AIPL1: variants seen among roughly 807,000 people sequenced by gnomAD.
AIPL1 encodes AIP like 1 HSP90 co-chaperone, also known as aryl-hydrocarbon-interacting protein-like 1.
In AIPL1, 23 loss-of-function variants were observed where a neutral mutation model predicts 32.9. That is an observed-to-expected ratio of 0.70 (90% CI 0.50 to 0.99). The LOEUF (loss-of-function observed/expected upper bound fraction) is 0.99, where lower values mean the gene tolerates loss of function less well. AIPL1 is among the 50% of genes least tolerant of loss of function. The probability of loss-of-function intolerance (pLI) is 0.00; values close to 1 mark genes in which losing one functional copy is unlikely to be tolerated. For missense variants in AIPL1, 485 were observed against 506.0 expected (o/e 0.96, Z 0.40); for synonymous variants, 210 against 209.4 (o/e 1.00, Z -0.02).
In AIPL1 at chr17:6,428,299, C is replaced by A. The variant is rs1283180629; in HGVS notation, c.465+19G>T. 1.9e-6 allele frequency: 3 copies of A among 1,604,258 alleles called. No individual in the cohort carries two copies. In the East Asian group the frequency reaches 6.7e-5, roughly 36 times the overall value. On this transcript the variant is annotated intron_variant, in intron 3 of 5. Transcript: ENST00000381129. ...CCAGTGCTGGCACAGCCCTCCAGCC[C>A]TGCCAACCCCAGCCCCACCTGCAGC...
chr17:6,426,961 G>C lies in AIPL1; in HGVS notation c.562C>G (p.Leu188Val), dbSNP rs146153236. ...TCCTCGTAGCGGCCCAGCTTGAAGA[G>C]CCGATTTCCCTCTCCGTGGAGGACG... ...VPVLHGEGNR[L>V]FKLGRYEEAS... The change falls in exon 4 of 6, where the codon CTC becomes GTC. Residue 188 changes from leucine to valine, a missense_variant. Physicochemically the swap from Leu to Val is conservative, Grantham distance 32. Transcript: ENST00000381129. 6.2e-7 allele frequency: 1 copy of C among 1,614,210 alleles called. No individual in the cohort carries two copies. Among genetic ancestry groups the C allele is most frequent in the Admixed American group, 1.7e-5 (1 of 60,034 alleles).
At position 6,425,675 on chromosome 17, in the gene AIPL1, C is replaced by T. The variant is rs747545377; in HGVS notation, c.940G>A (p.Glu314Lys). 6.2e-7 allele frequency: 1 copy of T among 1,610,252 alleles called. No individual in the cohort carries two copies. Among genetic ancestry groups the T allele is most frequent in the Admixed American group, 1.7e-5 (1 of 60,024 alleles). ...ELRLLENRMA[E>K]KQEEERLRCR... ...CGCAGCCGCTCCTCCTCCTGCTTCT[C>T]CGCCATGCGGTTCTCCAGCAGCCTC... Residue 314 changes from glutamate to lysine, a missense_variant, in exon 6 of 6, where the codon GAG (glutamate) becomes AAG (lysine). Coordinates refer to ENST00000381129, the MANE Select transcript of AIPL1 (RefSeq NM_014336.5).
chr17:6,428,458 G>T lies in AIPL1; in HGVS notation c.325C>A (p.Gln109Lys). 6.2e-7 allele frequency: 1 copy of T among 1,613,990 alleles called. No homozygotes were observed. The highest frequency in any genetic ancestry group is 8.5e-7 in the Non-Finnish European group (1 of 1,180,036). Residue 109 changes from glutamine to lysine, a missense_variant, in exon 3 of 6, where the codon CAG (glutamine) becomes AAG (lysine). Coordinates refer to ENST00000381129, the MANE Select transcript of AIPL1 (RefSeq NM_014336.5). The part of the protein sequence containing the change: ...ILSRSLRQMA[Q>K]GKDPTEWHVH... Reference sequence around the variant, plus strand: ...TGCCACTCTGTGGGGTCCTTGCCCTGGGCCATCTGCCTCAGGCTCCGGGAT... The same window carrying T: ...TGCCACTCTGTGGGGTCCTTGCCCTTGGCCATCTGCCTCAGGCTCCGGGAT...
In AIPL1 at chr17:6,433,611, T is replaced by TCTCA. The variant is rs758622569; in HGVS notation, c.276+307_276+308insTGAG. 6.7e-3 allele frequency among the ~76,000 whole-genome samples: 712 copies of TCTCA among 106,298 alleles called. 12 individuals carry two copies. The highest frequency in any genetic ancestry group is 9.5e-3 in the Non-Finnish European group (500 of 52,548). The allele number at this position is 106,298 out of a possible 152,430, so 69.7% of individuals were successfully genotyped here. A position where few individuals can be genotyped will look rare whatever the true frequency, so the allele number is the denominator to read the frequency against. On this transcript the variant is annotated intron_variant, in intron 2 of 5. Transcript: ENST00000381129. ...ATCTCTCTCTCTCTCTCTCTCTCTC[T>TCTCA]CACACACACACACACACACACACAC...
chr17:6,427,200 C>T (rs900296160), intron 3 of AIPL1, 143 bp from the exon 4 acceptor site: 161 of 904,120 alleles, frequency 1.8e-4, no homozygotes, highest in Non-Finnish European at 2.5e-4. Flanking sequence ...AAAGAAGCAA[C>T]AACGCCGAAA....
At position 6,425,381 on chromosome 17, in the gene AIPL1, C is replaced by T. The variant is rs1911807492; in HGVS notation, c.*79G>A. The T allele has an allele frequency of 2.8e-6, 4 of 1,434,456 alleles. No individual in the cohort carries two copies. Among genetic ancestry groups the T allele is most frequent in the Non-Finnish European group, 3.7e-6 (4 of 1,089,946 alleles). 88.9% of individuals were successfully genotyped at this position (1,434,456 alleles called of 1,614,324 possible). ...ATTAATTTTAAATTTTAAAAAGTGA[C>T]ACCACGATCCTGGTCAATCGAACCA... On this transcript the variant is annotated 3_prime_UTR_variant, in exon 6 of 6. Coordinates refer to ENST00000381129, the MANE Select transcript of AIPL1 (RefSeq NM_014336.5).
rs1177957902 is a variant in AIPL1, at chr17:6,425,423, T to C, written c.*37A>G. The C allele has an allele frequency of 6.4e-7, 1 of 1,556,854 alleles. No individual in the cohort carries two copies. The highest frequency in any genetic ancestry group is 8.7e-7 in the Non-Finnish European group (1 of 1,153,060). ...ATCGAACCAGAAGTGACCAGGCCACTTGCTCCCTGCCTGGGTGGCTGTGGG... is the reference window on the plus strand; with the variant it reads ...ATCGAACCAGAAGTGACCAGGCCACCTGCTCCCTGCCTGGGTGGCTGTGGG... On this transcript the variant is annotated 3_prime_UTR_variant, in exon 6 of 6. Transcript: ENST00000381129.
At chr17:6,429,824 GTAGATAGATAGATAGATAGATAGA>G (rs772773845) in intron 2 of AIPL1, among the ~76,000 whole-genome samples, 13 of 67,530 alleles carry the variant, frequency 1.9e-4, no homozygotes, top group South Asian at 8.0e-4. Context: ...AGGTAGGTAG[GTAGATAGATAGATAGATAGATAGA>G]TAGATAGATA....
chr17:6,428,444 G>A lies in AIPL1; in HGVS notation c.339C>T (p.Pro113=), dbSNP rs1199416706. The part of the protein sequence containing the change: ...SLRQMAQGKD[P]TEWHVHTCGL... ...CGCACGTGTGCACGTGCCACTCTGTGGGGTCCTTGCCCTGGGCCATCTGCC... is the reference window on the plus strand; with the variant it reads ...CGCACGTGTGCACGTGCCACTCTGTAGGGTCCTTGCCCTGGGCCATCTGCC... The change falls in exon 3 of 6, where the codon CCC becomes CCT. Residue 113 remains proline (P), a synonymous_variant. Transcript: ENST00000381129. The A allele has an allele frequency of 6.2e-7, 1 of 1,613,982 alleles. No individual in the cohort carries two copies. The highest frequency in any genetic ancestry group is 8.5e-7 in the Non-Finnish European group (1 of 1,180,050).
At chr17:6,426,021 C>T in intron 5 of AIPL1, 191 bp from the exon 6 acceptor site, 1 of 1,042,718 alleles carries the variant, frequency 9.6e-7, no homozygotes, top group South Asian at 1.8e-5. Context: ...ACCTCCTCCT[C>T]TCCTTTTTAA....
rs1169701817 is a variant in AIPL1 at position 6,430,456 on chromosome 17, CAAAAAAAAAAA to C, written c.277-1961_277-1951del. Among the ~76,000 whole-genome samples, 27 of 44,516 alleles carry C rather than the reference CAAAAAAAAAAA, an allele frequency of 6.1e-4. No individual in the cohort carries two copies. In the Admixed American group the frequency reaches 7.7e-3, roughly 13 times the overall value. The allele number at this position is 44,516 out of a possible 152,430, so 29.2% of individuals were successfully genotyped here. A position where few individuals can be genotyped will look rare whatever the true frequency, so the allele number is the denominator to read the frequency against. Reference sequence around the variant, plus strand: ...GGGCAACAAGAGCGAAAGTCCGTCTCAAAAAAAAAAAAAAAAAAAAAAAACAGTTACCAGCC... The same window carrying C: ...GGGCAACAAGAGCGAAAGTCCGTCTCAAAAAAAAAAAAACAGTTACCAGCC... On this transcript the variant is annotated intron_variant, in intron 2 of 5. Coordinates refer to ENST00000381129, the MANE Select transcript of AIPL1 (RefSeq NM_014336.5).
intron 5 of AIPL1, chr17:6,426,032 GGCCCT>G: frequency 9.6e-7 from 1 of 1,045,732 alleles, no homozygotes; most frequent in Non-Finnish European, 1.3e-6. Context: ...TCCTTTTTAA[GGCCCT>G]GTGAGTAATT....
Position 6,431,294 on chromosome 17 carries a change from G to GAA in AIPL1, c.276+2623_276+2624dup, listed in dbSNP as rs35800597. 1.1e-4 allele frequency among the ~76,000 whole-genome samples: 14 copies of GAA among 121,916 alleles called. No individual in the cohort carries two copies. The East Asian group carries it at 1.8e-3, about 16-fold the overall frequency. The allele number at this position is 121,916 out of a possible 152,430, so 80.0% of individuals were successfully genotyped here. A position where few individuals can be genotyped will look rare whatever the true frequency, so the allele number is the denominator to read the frequency against. ...AAAACCTGTCTCTACTAAAAATACT[G>GAA]AAAAAAAAAAAAAAGCCAGGTGTGG... On this transcript the variant is annotated intron_variant, in intron 2 of 5. Transcript: ENST00000381129.
At chr17:6,433,609 T>TCACA (rs1451180290) in intron 2 of AIPL1, among the ~76,000 whole-genome samples, 4 of 122,764 alleles carry the variant, frequency 3.3e-5, no homozygotes, top group African/African-American at 1.4e-4. Context: ...TCTCTCTCTC[T>TCACA]CTCACACACA....
chr17:6,434,331 A>T (rs1912948406), intron 1 of AIPL1, among the ~76,000 whole-genome samples: 1 of 144,922 alleles, frequency 6.9e-6, no homozygotes, highest in African/African-American at 2.5e-5. Flanking sequence ...GCGTCCAGAA[A>T]TCCTTCCTCA....
At chr17:6,434,723 A>G (rs1913000526) in intron 1 of AIPL1, among the ~76,000 whole-genome samples, 2 of 152,160 alleles carry the variant, frequency 1.3e-5, no homozygotes, top group African/African-American at 4.8e-5. Context: ...ACATTTGGGG[A>G]CAAATACCAA....
At chr17:6,433,834 T>C (rs1597340071) in intron 2 of AIPL1, 85 bp downstream of exon 2, 1 of 1,502,308 alleles carries the variant, frequency 6.7e-7, no homozygotes, top group Non-Finnish European at 9.0e-7. Context: ...GTCCCAGCTT[T>C]CCCGAAACAC....
chr17:6,435,001 C>T lies in AIPL1; in HGVS notation c.96+8G>A, dbSNP rs1913037571. On this transcript the variant is annotated splice_region_variant and intron_variant, in intron 1 of 5. Transcript: ENST00000381129. The stretch of plus-strand genomic sequence containing the variant: ...GGACCCTGTCTGCTCCGGAGGGGCC[C>T]CACTCACTCGGGATCCGGTGATGAA... The T allele has an allele frequency of 6.2e-7, 1 of 1,613,976 alleles. No homozygotes were observed.
At chr17:6,433,811 A>G in intron 2 of AIPL1, 108 bp downstream of exon 2, 1 of 1,398,490 alleles carries the variant, frequency 7.2e-7, no homozygotes, top group Non-Finnish European at 9.9e-7. Flanking sequence ...TGGCTTTGCA[A>G]AGCTTCGCTT....
Sources: allele counts gnomAD v4.1 joint callset (sites outside exome capture counted in the v4.1 genomes callset), GRCh38; gene constraint gnomAD v4.1.1; transcripts MANE v1.5; gene names NCBI Gene and HGNC (gene_info 2026-07-23, HGNC 2026-07-21).